The following SLC8A3 variants were observed in gnomAD, a reference collection of about 807,000 sequenced individuals.
The protein encoded by SLC8A3 is sodium/calcium exchanger 3.
In SLC8A3, 37 loss-of-function variants were observed where a neutral mutation model predicts 65.4. The ratio of observed to expected loss-of-function variants is 0.57; its 90% confidence interval spans 0.44 to 0.74. The LOEUF is 0.74. Ranked by LOEUF, SLC8A3 falls within the 30% of genes least tolerant of loss-of-function variation. The probability of loss-of-function intolerance (pLI) is 0.00; values close to 1 mark genes in which losing one functional copy is unlikely to be tolerated. For missense variants in SLC8A3, 1,112 were observed against 1,172.1 expected (o/e 0.95, Z 0.75); for synonymous variants, 461 against 444.5 (o/e 1.04, Z -0.47).
intron 2 of SLC8A3, among the ~76,000 whole-genome samples, chr14:70,071,449 T>G (rs1890006559): frequency 6.6e-6 from 1 of 152,206 alleles, no homozygotes; most frequent in African/African-American, 2.4e-5. Context: ...CATGCTGCTT[T>G]GGTTTGAAGA....
intron 2 of SLC8A3, among the ~76,000 whole-genome samples, chr14:70,120,577 C>G (rs1257265212): frequency 6.6e-6 from 1 of 152,140 alleles, no homozygotes. Context: ...TAAAATCCCT[C>G]GCAAGAATGG....
At chr14:70,049,852 T>G (rs1167573560) in intron 5 of SLC8A3, among the ~76,000 whole-genome samples, 1 of 152,174 alleles carries the variant, frequency 6.6e-6, no homozygotes, top group Non-Finnish European at 1.5e-5. Flanking sequence ...GCCAGTGCCC[T>G]CCTCCAAACA....
intron 1 of SLC8A3, among the ~76,000 whole-genome samples, chr14:70,180,013 A>G (rs1594820437): frequency 6.6e-6 from 1 of 152,270 alleles, no homozygotes; most frequent in South Asian, 2.1e-4. Flanking sequence ...CTGCAACTGA[A>G]AGGAAGTCAG....
At chr14:70,096,774 G>A (rs1029776733) in intron 2 of SLC8A3, among the ~76,000 whole-genome samples, 2 of 152,200 alleles carry the variant, frequency 1.3e-5, no homozygotes, top group African/African-American at 4.8e-5. Context: ...GAGAGGCTGT[G>A]GCAGGTGGGG....
intron 2 of SLC8A3, among the ~76,000 whole-genome samples, chr14:70,149,907 C>G (rs1315562522): frequency 6.6e-6 from 1 of 152,220 alleles, no homozygotes; most frequent in African/African-American, 2.4e-5. Flanking sequence ...GCTGCTCTGT[C>G]TTTGGGAGCA....
chr14:70,168,740 C>T (rs1897323810), intron 1 of SLC8A3, among the ~76,000 whole-genome samples: 1 of 152,264 alleles, frequency 6.6e-6, no homozygotes, highest in South Asian at 2.1e-4. Context: ...CAGCAATAGC[C>T]TTCAAGTCCT....
chr14:70,083,746 C>A (rs1219070618), intron 2 of SLC8A3, among the ~76,000 whole-genome samples: 1 of 152,220 alleles, frequency 6.6e-6, no homozygotes, highest in Non-Finnish European at 1.5e-5. Context: ...GTCAAAAAAT[C>A]TGCCCAAGTT....
In SLC8A3 at chr14:70,167,043, G is replaced by T; in HGVS notation, c.1380C>A (p.Thr460=). The stretch of plus-strand genomic sequence containing the variant: ...TTATGCCCACGGAGAACTCCTTCTG[G>T]GTCTCTCCTGGCTTCAGAACCACCG... ...EGTVVLKPGE[T]QKEFSVGIID... The change falls in exon 2 of 7, where the codon ACC becomes ACA. Residue 460 remains threonine (T), a synonymous_variant. Transcript: ENST00000356921. 1 of 1,613,852 alleles carries T rather than the reference G, an allele frequency of 6.2e-7. No homozygotes were observed. The highest frequency in any genetic ancestry group is 8.5e-7 in the Non-Finnish European group (1 of 1,180,022).
chr14:70,146,892 C>T (rs879414699), intron 2 of SLC8A3, among the ~76,000 whole-genome samples: 11 of 152,190 alleles, frequency 7.2e-5, no homozygotes, highest in Admixed American at 3.3e-4. Flanking sequence ...AGTTATAATG[C>T]TGTTGCCTAG....
intron 2 of SLC8A3, among the ~76,000 whole-genome samples, chr14:70,099,971 C>T (rs537808774): frequency 6.6e-6 from 1 of 152,316 alleles, no homozygotes; most frequent in Admixed American, 6.5e-5. Flanking sequence ...GATCCCTGTG[C>T]TGACTTACCC....
At chr14:70,089,081 C>G (rs1250754814) in intron 2 of SLC8A3, among the ~76,000 whole-genome samples, 1 of 152,178 alleles carries the variant, frequency 6.6e-6, no homozygotes, top group Admixed American at 6.5e-5. Flanking sequence ...TATGCTCTTC[C>G]TTCCCTCCAA....
intron 2 of SLC8A3, among the ~76,000 whole-genome samples, chr14:70,119,380 T>C (rs1273430948): frequency 3.3e-5 from 5 of 152,188 alleles, no homozygotes; most frequent in Non-Finnish European, 7.4e-5. Flanking sequence ...ATTTATGTGG[T>C]GTGCTAAGAA....
At chr14:70,110,064 T>A (rs973224239) in intron 2 of SLC8A3, among the ~76,000 whole-genome samples, 6 of 152,114 alleles carry the variant, frequency 3.9e-5, no homozygotes, top group African/African-American at 1.2e-4. Context: ...TTAATTTTTG[T>A]GGGTATGTAG....
At chr14:70,168,517 G>A (rs1897315166) in intron 1 of SLC8A3, 33 bp from the exon 2 acceptor site, 2 of 980,320 alleles carry the variant, frequency 2.0e-6, no homozygotes, top group Admixed American at 2.6e-5. Context: ...GAAAAGGCAT[G>A]AGGAAAAAGG....
intron 2 of SLC8A3, among the ~76,000 whole-genome samples, chr14:70,061,155 G>A (rs1888756931): frequency 6.6e-6 from 1 of 152,144 alleles, no homozygotes; most frequent in African/African-American, 2.4e-5. Context: ...GTTCTTACGG[G>A]TGAGGGGGCA....
intron 1 of SLC8A3, among the ~76,000 whole-genome samples, chr14:70,169,696 G>C (rs201932197): frequency 4.1e-5 from 6 of 145,996 alleles, no homozygotes; most frequent in Admixed American, 4.1e-4. Flanking sequence ...AAAAGTGGGG[G>C]GGGGGGCGAT....
In SLC8A3 at chr14:70,167,908, C is replaced by T. The variant is rs1432108635; in HGVS notation, c.515G>A (p.Gly172Glu). Residue 172 changes from glycine to glutamate, a missense_variant, in exon 2 of 7, where the codon GGG becomes GAG. Physicochemically the swap from Gly to Glu is moderately conservative, Grantham distance 98. Transcript: ENST00000356921. ...GATGAACATGTTGAAGGCTGCACTC[C>T]CTACAATGGTAGAAGGTCCCAGATC... ...AGDLGPSTIVGSAAFNMFIII... is the reference protein window; with the variant it reads ...AGDLGPSTIVESAAFNMFIII... The T allele has an allele frequency of 1.2e-6, 2 of 1,614,100 alleles. No individual in the cohort carries two copies.
At chr14:70,092,761 A>G (rs1441006455) in intron 2 of SLC8A3, among the ~76,000 whole-genome samples, 1 of 152,176 alleles carries the variant, frequency 6.6e-6, no homozygotes, top group African/African-American at 2.4e-5. Flanking sequence ...CTAAAAGAAA[A>G]AAGAAAGAAT....
chr14:70,093,333 G>A (rs966004951), intron 2 of SLC8A3, among the ~76,000 whole-genome samples: 8 of 152,170 alleles, frequency 5.3e-5, no homozygotes, highest in South Asian at 2.1e-4. Flanking sequence ...TTGTGTTTGC[G>A]TGGTGCACAG....
Sources: allele counts gnomAD v4.1 joint callset (sites outside exome capture counted in the v4.1 genomes callset), GRCh38; gene constraint gnomAD v4.1.1; transcripts MANE v1.5; gene names NCBI Gene and HGNC (gene_info 2026-07-23, HGNC 2026-07-21).